CFAP46: variants seen among roughly 807,000 people sequenced by gnomAD.
CFAP46 encodes cilia- and flagella-associated protein 46.
A neutral mutation model predicts 325.7 loss-of-function variants in CFAP46; 245 were observed. The observed-to-expected ratio is 0.75, with a 90% CI of 0.68 to 0.84. CFAP46 has a LOEUF of 0.84. CFAP46 is among the 40% of genes least tolerant of loss of function. The pLI, the probability that CFAP46 is intolerant of heterozygous loss-of-function variation, is 0.00. For missense variants in CFAP46, 3,346 were observed against 3,543.0 expected, an observed-to-expected ratio of 0.94 and a Z score of 1.41; for synonymous variants, 1,523 against 1,495.9, an observed-to-expected ratio of 1.02 and a Z score of -0.42.
chr10:132,823,954 G>A (rs576422399), intron 50 of CFAP46, among the ~76,000 whole-genome samples: 1 of 139,210 alleles, frequency 7.2e-6, no homozygotes, highest in East Asian at 2.2e-4. Context: ...GTGCAGTGAT[G>A]TGTGCTGTGT....
Position 132,912,725 on chromosome 10 carries a change from A to T in CFAP46, c.2429T>A (p.Phe810Tyr). Reference protein sequence around the residue: ...PVQAAEKSRKFMRPNAFHSPL... With the variant: ...PVQAAEKSRKYMRPNAFHSPL... ...GCTGTGAAACGCGTTTGGTCGCATG[A>T]ATTTCCTGGACTTCTCGGCAGCCTG... The change falls in exon 19 of 58, where the codon TTC becomes TAC. Residue 810 changes from phenylalanine (F) to tyrosine (Y), a missense_variant. Transcript: ENST00000368586. 1 of 1,550,128 alleles carries T rather than the reference A, an allele frequency of 6.5e-7. No individual in the cohort carries two copies. Among genetic ancestry groups the T allele is most frequent in the Non-Finnish European group, 8.7e-7 (1 of 1,146,942 alleles).
chr10:132,824,688 C>CTG (rs61728586), intron 50 of CFAP46, among the ~76,000 whole-genome samples: 1 of 79,086 alleles, frequency 1.3e-5, no homozygotes, highest in African/African-American at 5.6e-5. Flanking sequence ...CTGATGTGTG[C>CTG]TGTGTGTGCG....
At position 132,835,317 on chromosome 10, in the gene CFAP46, A is replaced by G. The variant is rs769811596; in HGVS notation, c.6731T>C (p.Leu2244Pro). The G allele has an allele frequency of 1.2e-6, 2 of 1,613,198 alleles. No individual in the cohort carries two copies. Among genetic ancestry groups the G allele is most frequent in the South Asian group, 1.1e-5 (1 of 91,070 alleles). Residue 2244 changes from leucine to proline, a missense_variant, in exon 47 of 58, where the codon CTG becomes CCG. Transcript: ENST00000368586. ...QAQVYSEDMA[L>P]NIGSEPEGLQ... ...GGAGGGCCTCACCGAGCCTATGTTC[A>G]GGGCCATGTCCTCACTGTACACCTG...
rs544622640 is a variant in CFAP46, at chr10:132,832,976, A to G, written c.7117+382T>C. Reference sequence around the variant, plus strand: ...TAGTTTTGAGTGTTTATATATATACATATATATTTTATTTTTGACAGGGTC... The same window carrying G: ...TAGTTTTGAGTGTTTATATATATACGTATATATTTTATTTTTGACAGGGTC... On this transcript the variant is annotated intron_variant, in intron 50 of 57. Transcript: ENST00000368586. The surrounding 1 kb of genome is among the most constrained non-coding windows in gnomAD (Gnocchi z 4.1). Among the ~76,000 whole-genome samples, 1 of 152,206 alleles carries G rather than the reference A, an allele frequency of 6.6e-6. No homozygotes were observed. Among genetic ancestry groups the G allele is most frequent in the East Asian group, 1.9e-4 (1 of 5,170 alleles).
chr10:132,850,344 A>G lies in CFAP46; in HGVS notation c.5852T>C (p.Ile1951Thr), dbSNP rs368288159. The G allele has an allele frequency of 5.6e-5, 88 of 1,559,164 alleles. 2 individuals carry two copies. In the South Asian group the frequency reaches 9.7e-4, roughly 17 times the overall value. Reference sequence around the variant, plus strand: ...GGCCAGGCCCAGGAGCCGGGCGCGGATCTCCACACAGCCCACGCTCAGCGG... The same window carrying G: ...GGCCAGGCCCAGGAGCCGGGCGCGGGTCTCCACACAGCCCACGCTCAGCGG... The part of the protein sequence containing the change: ...LQPLSVGCVE[I>T]RARLLGLAGR... Residue 1951 changes from isoleucine to threonine, a missense_variant, in exon 41 of 58, where the codon ATC (isoleucine) becomes ACC (threonine). Physicochemically the swap from Ile to Thr is moderately conservative, Grantham distance 89. Transcript: ENST00000368586.
intron 35 of CFAP46, among the ~76,000 whole-genome samples, chr10:132,864,917 C>A (rs570857218): frequency 6.6e-6 from 1 of 150,948 alleles, no homozygotes; most frequent in African/African-American, 2.4e-5. Context: ...TGCCTGAGAC[C>A]TGCACACACC....
At chr10:132,916,421 T>G in intron 17 of CFAP46, 128 bp downstream of exon 17, 1 of 1,008,758 alleles carries the variant, frequency 9.9e-7, no homozygotes, top group Non-Finnish European at 1.4e-6. Context: ...GATGGACACG[T>G]CCCCCACGCA....
intron 24 of CFAP46, among the ~76,000 whole-genome samples, chr10:132,894,771 T>C (rs901034797): frequency 6.6e-5 from 10 of 151,866 alleles, no homozygotes; most frequent in South Asian, 2.1e-4. Context: ...CAGGAAGAAA[T>C]AGAAAATCTC....
chr10:132,834,819 A>G (rs770036315), intron 47 of CFAP46, 44 bp from the exon 48 acceptor site: 14 of 1,596,442 alleles, frequency 8.8e-6, no homozygotes, highest in East Asian at 2.2e-5. Context: ...AACAGGGCGC[A>G]TGGCCCAGAC....
At chr10:132,850,212 G>T (rs900758968) in intron 41 of CFAP46, 32 bp downstream of exon 41, 4 of 1,548,062 alleles carry the variant, frequency 2.6e-6, no homozygotes, top group Non-Finnish European at 3.5e-6. Flanking sequence ...TGGTGTTGGA[G>T]CCAGACTTGG....
intron 31 of CFAP46, 132 bp from the exon 32 acceptor site, chr10:132,872,956 T>C (rs1379110818): frequency 2.0e-6 from 2 of 1,003,524 alleles, no homozygotes; most frequent in East Asian, 5.3e-5. Context: ...GCTCAGCGCG[T>C]GTCCGCACAC....
rs1404275275 is a variant in CFAP46, at chr10:132,869,296, C to T, written c.4588G>A (p.Val1530Ile). ...CACCTGGCCTGCTCCAGCTCGCTGA[C>T]GCACACCTGCCCGACCGCCTCTTCA... ...RHEEAVGQVC[V>I]SELEQASCRK... The change falls in exon 33 of 58, where the codon GTC becomes ATC. Residue 1530 changes from valine to isoleucine, a missense_variant. Val to Ile is a conservative substitution (Grantham distance 29). Transcript: ENST00000368586. The surrounding 1 kb of genome is among the most constrained non-coding windows in gnomAD (Gnocchi z 6.2). The T allele has an allele frequency of 1.9e-6, 3 of 1,538,684 alleles. No individual in the cohort carries two copies. The highest frequency in any genetic ancestry group is 1.2e-5 in the South Asian group (1 of 83,458).
intron 50 of CFAP46, among the ~76,000 whole-genome samples, chr10:132,830,350 G>A (rs1398590426): frequency 6.6e-6 from 1 of 152,110 alleles, no homozygotes; most frequent in African/African-American, 2.4e-5. Context: ...CACCATCTTG[G>A]CCAGGCTGGT....
In CFAP46 at chr10:132,939,014, G is replaced by A. The variant is rs1019012410; in HGVS notation, c.372-261C>T. On this transcript the variant is annotated intron_variant, in intron 4 of 57. Transcript: ENST00000368586. This position sits in a 1 kb window ranked among gnomAD's most constrained non-coding sequence, Gnocchi z 4.6. ...AGCGCAGGCCCGGCTGTGATGACCC[G>A]GCCACAGGCTCCCGAGTCCAGACCA... Among the ~76,000 whole-genome samples the A allele has an allele frequency of 3.9e-5, 6 of 152,156 alleles. No individual in the cohort carries two copies. Among genetic ancestry groups the A allele is most frequent in the Non-Finnish European group, 5.9e-5 (4 of 68,028 alleles).
At chr10:132,822,875 GCT>G in intron 50 of CFAP46, among the ~76,000 whole-genome samples, 1 of 145,848 alleles carries the variant, frequency 6.9e-6, no homozygotes, top group Non-Finnish European at 1.5e-5. Flanking sequence ...GGTGATGTGT[GCT>G]GTGTGTGCGC....
In CFAP46 at chr10:132,937,587, C is replaced by T. The variant is rs2135735116; in HGVS notation, c.625G>A (p.Val209Met). 5.6e-6 allele frequency: 9 copies of T among 1,613,636 alleles called. No homozygotes were observed. The highest frequency in any genetic ancestry group is 1.1e-5 in the South Asian group (1 of 91,062). The change falls in exon 6 of 58, where the codon GTG becomes ATG. Residue 209 changes from valine to methionine, a missense_variant. Val to Met is a conservative substitution (Grantham distance 21, BLOSUM62 1). Transcript: ENST00000368586. ...AATATCTGCCGGTATTTCTGTGGCACGTGAGACTTAATGAACGGAGCTGCC... is the reference window on the plus strand; with the variant it reads ...AATATCTGCCGGTATTTCTGTGGCATGTGAGACTTAATGAACGGAGCTGCC... ...STAAPFIKSH[V>M]PQKYRQIFSV...
chr10:132,870,448 C>CT (rs1386464808), intron 32 of CFAP46, among the ~76,000 whole-genome samples: 1 of 152,204 alleles, frequency 6.6e-6, no homozygotes. Flanking sequence ...AGCTCGGCCC[C>CT]TGCACCAGTT....
intron 25 of CFAP46, among the ~76,000 whole-genome samples, chr10:132,891,190 A>G (rs1321105456): frequency 6.6e-6 from 1 of 152,250 alleles, no homozygotes; most frequent in African/African-American, 2.4e-5. Context: ...CTCTGCACTC[A>G]GGGGTGTGTG....
Position 132,808,797 on chromosome 10 carries a change from C to A in CFAP46, c.7772G>T (p.Arg2591Leu). 6.2e-7 allele frequency: 1 copy of A among 1,604,828 alleles called. No individual in the cohort carries two copies. Among genetic ancestry groups the A allele is most frequent in the Non-Finnish European group, 8.5e-7 (1 of 1,176,160 alleles). The change falls in exon 58 of 58, where the codon CGG becomes CTG. Residue 2591 changes from arginine to leucine, a missense_variant. Coordinates refer to ENST00000368586, the MANE Select transcript of CFAP46 (RefSeq NM_001200049.3). The surrounding 1 kb of genome is among the most constrained non-coding windows in gnomAD (Gnocchi z 6.8). The part of the protein sequence containing the change: ...GPVWAAAPSH[R>L]VVQAWTCLPS... ...GAGGCAGGTCCAGGCCTGCACTACC[C>A]GATGGCTTGGTGCGGCAGCCCATAC...
Sources: allele counts gnomAD v4.1 joint callset (sites outside exome capture counted in the v4.1 genomes callset), GRCh38; gene constraint gnomAD v4.1.1; non-coding constraint Gnocchi (gnomAD v3.1); transcripts MANE v1.5; gene names NCBI Gene and HGNC (gene_info 2026-07-23, HGNC 2026-07-21).